ELN: variants seen among roughly 807,000 people sequenced by gnomAD.
The protein encoded by ELN is elastin.
ELN carries 65 observed loss-of-function variants against 105.8 expected under a neutral mutation model. The ratio of observed to expected loss-of-function variants is 0.61; its 90% confidence interval spans 0.50 to 0.75. The LOEUF (loss-of-function observed/expected upper bound fraction) is 0.75, where lower values mean the gene tolerates loss of function less well. Among genes scored for constraint, ELN ranks in the 30% least tolerant of loss-of-function variants. The probability of loss-of-function intolerance (pLI) is 0.00; values close to 1 mark genes in which losing one functional copy is unlikely to be tolerated. For missense variants in ELN, 882 were observed against 969.4 expected, an observed-to-expected ratio of 0.91 and a Z score of 1.20; for synonymous variants, 368 against 389.2, an observed-to-expected ratio of 0.95 and a Z score of 0.64.
At chr7:74,064,486 C>G (rs1408228361) in intron 29 of ELN, among the ~76,000 whole-genome samples, 4 of 150,348 alleles carry the variant, frequency 2.7e-5, no homozygotes, top group Non-Finnish European at 4.4e-5. Flanking sequence ...CATGGTGACA[C>G]ACGCCTGTAA....
intron 32 of ELN, among the ~76,000 whole-genome samples, chr7:74,068,309 A>G (rs561682703): frequency 5.3e-5 from 8 of 152,168 alleles, no homozygotes; most frequent in Admixed American, 2.0e-4. Flanking sequence ...CTCTCCCTTC[A>G]TCCCATGTTC....
At chr7:74,045,618 C>T in intron 10 of ELN, 1 of 402,250 alleles carries the variant, frequency 2.5e-6, no homozygotes, top group East Asian at 5.8e-5. Context: ...TCACACACAC[C>T]TATGATCCCA....
At chr7:74,062,915 C>T (rs1163867296) in intron 26 of ELN, among the ~76,000 whole-genome samples, 2 of 152,080 alleles carry the variant, frequency 1.3e-5, no homozygotes, top group Non-Finnish European at 2.9e-5. Flanking sequence ...GCAGGAGGAT[C>T]GCATGAGCCC....
intron 5 of ELN, 93 bp from the exon 6 acceptor site, chr7:74,042,521 C>T: frequency 3.5e-6 from 4 of 1,127,178 alleles, no homozygotes; most frequent in Non-Finnish European, 5.2e-6. Flanking sequence ...CTCCAATGTG[C>T]TTCCTGAGTG....
intron 1 of ELN, 132 bp downstream of exon 1, chr7:74,028,401 C>T: frequency 9.3e-7 from 1 of 1,070,286 alleles, no homozygotes; most frequent in Non-Finnish European, 1.4e-6. Flanking sequence ...GCCCCTCAGC[C>T]ACTGGGTCCT....
rs371440996 is a variant in ELN at position 74,055,001 on chromosome 7, G to C, written c.1150+232G>C. 1.8e-4 allele frequency among the ~76,000 whole-genome samples: 27 copies of C among 152,380 alleles called. No individual in the cohort carries two copies. The South Asian group carries it at 5.6e-3, about 32-fold the overall frequency. On this transcript the variant is annotated intron_variant, in intron 19 of 32. Coordinates refer to ENST00000252034, the MANE Select transcript of ELN (RefSeq NM_000501.4). ...CATTCCCAGTGGGGACAGTGACCCT[G>C]AGCTTCCCTGCTCTGGCCAAGGCCC...
At chr7:74,067,714 G>A (rs1376281852) in intron 32 of ELN, among the ~76,000 whole-genome samples, 1 of 149,968 alleles carries the variant, frequency 6.7e-6, no homozygotes, top group Non-Finnish European at 1.5e-5. Flanking sequence ...AGTGAGCCGA[G>A]ATTGCGCCAC....
intron 5 of ELN, 142 bp downstream of exon 5, chr7:74,041,393 C>A: frequency 2.9e-6 from 3 of 1,033,866 alleles, no homozygotes; most frequent in Non-Finnish European, 4.4e-6. Flanking sequence ...ATGCTGATAC[C>A]AACTGCCCCA....
chr7:74,054,578 A>G (rs1366742805), intron 18 of ELN, 138 bp from the exon 19 acceptor site: 8 of 861,066 alleles, frequency 9.3e-6, no homozygotes, highest in Non-Finnish European at 1.6e-5. Context: ...ACATCAGTGC[A>G]TAAATGGATG....
At position 74,060,728 on chromosome 7, in the gene ELN, G is replaced by A. The variant is rs992856618; in HGVS notation, c.1747+227G>A. ...GAGTATCTGCCTCCTCAGTAGAGGG[G>A]TGGCAGGGCTCCAGACTGAGAAAAA... is the stretch of plus-strand genomic sequence containing the variant. On this transcript the variant is annotated intron_variant, in intron 25 of 32. Coordinates refer to ENST00000252034, the MANE Select transcript of ELN (RefSeq NM_000501.4). 2.4e-5 allele frequency: 29 copies of A among 1,216,510 alleles called. No individual in the cohort carries two copies. In the African/African-American group the frequency reaches 3.9e-4, roughly 17 times the overall value. The allele number at this position is 1,216,510 out of a possible 1,614,324, so 75.4% of individuals were successfully genotyped here. A position where few individuals can be genotyped will look rare whatever the true frequency, so the allele number is the denominator to read the frequency against.
In ELN at chr7:74,069,171, A is replaced by C; in HGVS notation, c.*471A>C. ...TTGGCTGCCATCCAGTTGGTACCCA[A>C]GCACCTGAAGCCTCAAAGCTGGATT... On this transcript the variant is annotated 3_prime_UTR_variant, in exon 33 of 33. Transcript: ENST00000252034. 3.7e-6 allele frequency: 1 copy of C among 272,052 alleles called. No individual in the cohort carries two copies. Among genetic ancestry groups the C allele is most frequent in the Non-Finnish European group, 7.1e-6 (1 of 141,102 alleles). The allele number at this position is 272,052 out of a possible 1,614,324, so 16.9% of individuals were successfully genotyped here. A position where few individuals can be genotyped will look rare whatever the true frequency, so the allele number is the denominator to read the frequency against.
chr7:74,031,345 G>T (rs1214441952), intron 1 of ELN, among the ~76,000 whole-genome samples: 1 of 152,202 alleles, frequency 6.6e-6, no homozygotes, highest in Non-Finnish European at 1.5e-5. Context: ...CAAATAAAAG[G>T]ACCGTGGGAA....
At chr7:74,056,589 C>G in intron 20 of ELN, 83 bp from the exon 21 acceptor site, 1 of 1,608,742 alleles carries the variant, frequency 6.2e-7, no homozygotes, top group Non-Finnish European at 8.5e-7. Flanking sequence ...CCATGCCTTA[C>G]AGGGCAGAAG....
intron 32 of ELN, 115 bp downstream of exon 32, chr7:74,066,891 C>T: frequency 8.7e-7 from 1 of 1,145,544 alleles, no homozygotes; most frequent in African/African-American, 1.5e-5. Flanking sequence ...GGGTGGACCC[C>T]ACAGCCTCAG....
At chr7:74,051,387 G>A (rs1793994858) in intron 15 of ELN, among the ~76,000 whole-genome samples, 1 of 152,202 alleles carries the variant, frequency 6.6e-6, no homozygotes, top group African/African-American at 2.4e-5. Context: ...CCAGGCGCTT[G>A]GATTACAAAC....
intron 24 of ELN, 50 bp downstream of exon 24, chr7:74,060,234 G>A: frequency 6.2e-7 from 1 of 1,614,024 alleles, no homozygotes; most frequent in Middle Eastern, 1.6e-4. Flanking sequence ...TCTCAGAGCT[G>A]GTTAGGGGCA....
At position 74,052,208 on chromosome 7, in the gene ELN, C is replaced by T. The variant is rs531558325; in HGVS notation, c.949+225C>T. On this transcript the variant is annotated intron_variant, in intron 17 of 32. Coordinates refer to ENST00000252034, the MANE Select transcript of ELN (RefSeq NM_000501.4). Reference sequence around the variant, plus strand: ...AGGGGACCCTGCAGAGGGGACATGGCTCCTCCCACTCCATCCCCTCCAGGG... The same window carrying T: ...AGGGGACCCTGCAGAGGGGACATGGTTCCTCCCACTCCATCCCCTCCAGGG... 8.5e-6 allele frequency: 5 copies of T among 585,116 alleles called. No individual in the cohort carries two copies. The East Asian group carries it at 1.5e-4, about 17-fold the overall frequency. 36.2% of individuals were successfully genotyped at this position (585,116 alleles called of 1,614,324 possible). A position where few individuals can be genotyped will look rare whatever the true frequency, so the allele number is the denominator to read the frequency against.
At chr7:74,039,284 A>G (rs1790642550) in intron 4 of ELN, among the ~76,000 whole-genome samples, 1 of 152,232 alleles carries the variant, frequency 6.6e-6, no homozygotes, top group African/African-American at 2.4e-5. Flanking sequence ...AGGGTGAAGG[A>G]GTCAATCCAA....
In ELN at chr7:74,064,433, T is replaced by A. The variant is rs1397698686; in HGVS notation, c.1993+738T>A. Reference sequence around the variant, plus strand: ...CCGTCTCAAAAAAAAAATATATATATATATATATATATGTATGTATGTATG... The same window carrying A: ...CCGTCTCAAAAAAAAAATATATATAAATATATATATATGTATGTATGTATG... On this transcript the variant is annotated intron_variant, in intron 29 of 32. Transcript: ENST00000252034. 8.3e-4 allele frequency among the ~76,000 whole-genome samples: 118 copies of A among 141,400 alleles called. 1 individual carries two copies. Among genetic ancestry groups the A allele is most frequent in the African/African-American group, 3.1e-3 (117 of 37,444 alleles). The allele number at this position is 141,400 out of a possible 152,430, so 92.8% of individuals were successfully genotyped here.
Sources: gnomAD v4.1 joint callset for allele counts (sites outside exome capture counted in the v4.1 genomes callset) on GRCh38, gnomAD v4.1.1 for gene constraint, MANE v1.5 for transcripts, NCBI Gene and HGNC (gene_info 2026-07-23, HGNC 2026-07-21) for gene names.